The following PINX1 variants were observed in gnomAD, a reference collection of about 807,000 sequenced individuals.
PINX1 encodes the protein PIN2 (TERF1) interacting telomerase inhibitor 1, also known as PIN2/TERF1-interacting telomerase inhibitor 1.
PINX1 carries 34 observed loss-of-function variants against 25.4 expected under a neutral mutation model. The observed-to-expected ratio is 1.34, with a 90% CI of 1.02 to 1.78. The LOEUF is 1.78. Ranked by LOEUF, PINX1 falls within the 40% of genes most tolerant of loss-of-function variation. The pLI is 0.00. For missense variants in PINX1, 592 were observed against 404.9 expected, an observed-to-expected ratio of 1.46 and a Z score of -3.97; for synonymous variants, 197 against 147.7, an observed-to-expected ratio of 1.33 and a Z score of -2.42.
At chr8:10,766,532 A>T (rs1393369941) in intron 6 of PINX1, among the ~76,000 whole-genome samples, 1 of 152,152 alleles carries the variant, frequency 6.6e-6, no homozygotes, top group African/African-American at 2.4e-5. Flanking sequence ...GGCAGAGTGG[A>T]GACTCCGCGT....
chr8:10,819,798 T>G (rs2129085581), intron 6 of PINX1, among the ~76,000 whole-genome samples: 1 of 152,286 alleles, frequency 6.6e-6, no homozygotes, highest in East Asian at 1.9e-4. Context: ...GAAGGTGACA[T>G]GCTTCCTCCC....
In PINX1 at chr8:10,839,565, G is replaced by A. The variant is rs1197075678; in HGVS notation, c.19+173C>T. 14 of 645,744 alleles carry A rather than the reference G, an allele frequency of 2.2e-5. No homozygotes were observed. The African/African-American group carries it at 2.2e-4, about 10-fold the overall frequency. 40.0% of individuals were successfully genotyped at this position (645,744 alleles called of 1,614,324 possible). On this transcript the variant is annotated intron_variant, in intron 1 of 6. Transcript: ENST00000314787. ...ACTAGCAGACCTGCGGCCAACTTTC[G>A]GGGAGCTCTGCGGCGAGCAGGACAA...
chr8:10,832,316 T>A (rs1384428922), intron 3 of PINX1, among the ~76,000 whole-genome samples: 2 of 152,192 alleles, frequency 1.3e-5, no homozygotes, highest in Non-Finnish European at 2.9e-5. Context: ...TATAAGAGAA[T>A]GAAGATCTCC....
intron 6 of PINX1, among the ~76,000 whole-genome samples, chr8:10,783,423 G>A (rs1801654029): frequency 2.0e-5 from 3 of 152,194 alleles, no homozygotes; most frequent in Admixed American, 1.3e-4. Context: ...AAGGACCTGT[G>A]CTTTCAAGAA....
At chr8:10,836,006 A>G (rs1189300729) in intron 1 of PINX1, among the ~76,000 whole-genome samples, 1 of 152,222 alleles carries the variant, frequency 6.6e-6, no homozygotes, top group Non-Finnish European at 1.5e-5. Flanking sequence ...TGGCGAAATG[A>G]GAAATTTGGA....
In PINX1 at chr8:10,814,500, G is replaced by C. The variant is rs374490659; in HGVS notation, c.471+5693C>G. Among the ~76,000 whole-genome samples, 189 of 152,336 alleles carry C rather than the reference G, an allele frequency of 1.2e-3. 3 individuals are homozygous for C. In the South Asian group the frequency reaches 0.033, roughly 27 times the overall value. ...GTGAAAAACTATTCTAGAGTGAAAT[G>C]CAAGGTCTGAAAGCCAGTTTCTGGC... On this transcript the variant is annotated intron_variant, in intron 6 of 6. Transcript: ENST00000314787.
intron 4 of PINX1, among the ~76,000 whole-genome samples, chr8:10,829,304 AAG>A (rs1329880437): frequency 1.4e-5 from 2 of 146,718 alleles, no homozygotes; most frequent in South Asian, 2.2e-4. Context: ...AAAAAAAAAA[AAG>A]AGAGAGAGAA....
intron 6 of PINX1, among the ~76,000 whole-genome samples, chr8:10,797,205 C>T (rs1378151743): frequency 6.6e-6 from 1 of 152,196 alleles, no homozygotes; most frequent in Non-Finnish European, 1.5e-5. Context: ...GTTACTTTAA[C>T]CTTTGTCAGC....
Position 10,815,091 on chromosome 8 carries a change from C to T in PINX1, c.471+5102G>A, listed in dbSNP as rs375581091. Among the ~76,000 whole-genome samples the T allele has an allele frequency of 2.3e-4, 35 of 152,250 alleles. No homozygotes were observed. The East Asian group carries it at 5.4e-3, about 24-fold the overall frequency. On this transcript the variant is annotated intron_variant, in intron 6 of 6. Transcript: ENST00000314787. The stretch of plus-strand genomic sequence containing the variant: ...GAGTAGCTGAGACTACAGGTGGATG[C>T]CACTGAGCCTGGCTAATTTTTTAAA...
intron 5 of PINX1, among the ~76,000 whole-genome samples, chr8:10,822,897 T>G (rs1302960200): frequency 6.6e-6 from 1 of 152,240 alleles, no homozygotes; most frequent in African/African-American, 2.4e-5. Flanking sequence ...TTCAATAGTT[T>G]AGAAAATTCA....
At chr8:10,778,033 G>A (rs1046420714) in intron 6 of PINX1, among the ~76,000 whole-genome samples, 8 of 152,154 alleles carry the variant, frequency 5.3e-5, no homozygotes, top group South Asian at 4.1e-4. Flanking sequence ...AAATACAGAC[G>A]AATGGCATCG....
chr8:10,771,960 C>T (rs1047156137), intron 6 of PINX1, among the ~76,000 whole-genome samples: 5 of 152,216 alleles, frequency 3.3e-5, no homozygotes, highest in South Asian at 2.1e-4. Flanking sequence ...GTGATCCATC[C>T]ATTTCTCCTT....
intron 6 of PINX1, among the ~76,000 whole-genome samples, chr8:10,792,208 T>C (rs931895472): frequency 2.0e-5 from 3 of 152,106 alleles, no homozygotes; most frequent in Non-Finnish European, 4.4e-5. Flanking sequence ...CCGCGCTGGA[T>C]GGGCCTGCAG....
intron 6 of PINX1, among the ~76,000 whole-genome samples, chr8:10,806,993 G>C (rs920292502): frequency 2.0e-5 from 3 of 152,186 alleles, no homozygotes; most frequent in African/African-American, 7.2e-5. Flanking sequence ...CTTCCAAATG[G>C]CTCTTCATTA....
At chr8:10,830,852 T>C (rs1194548805) in intron 4 of PINX1, among the ~76,000 whole-genome samples, 1 of 152,198 alleles carries the variant, frequency 6.6e-6, no homozygotes, top group African/African-American at 2.4e-5. Context: ...GGAACTCTTA[T>C]GCACTGTTGA....
intron 4 of PINX1, among the ~76,000 whole-genome samples, chr8:10,828,658 G>A (rs1338574089): frequency 6.6e-6 from 1 of 152,208 alleles, no homozygotes; most frequent in Admixed American, 6.5e-5. Flanking sequence ...AGAAGGATGC[G>A]TGAGCACCGC....
intron 4 of PINX1, among the ~76,000 whole-genome samples, chr8:10,831,123 T>G (rs191882304): frequency 6.6e-6 from 1 of 152,206 alleles, no homozygotes; most frequent in Non-Finnish European, 1.5e-5. Context: ...TACGAAAGAA[T>G]GAGAGTTTTT....
chr8:10,812,414 A>G (rs1315650545), intron 6 of PINX1, among the ~76,000 whole-genome samples: 3 of 152,174 alleles, frequency 2.0e-5, no homozygotes, highest in African/African-American at 7.2e-5. Context: ...CAGAGCTGGA[A>G]GGGCTTGAAT....
intron 6 of PINX1, among the ~76,000 whole-genome samples, chr8:10,813,731 T>C (rs1009471459): frequency 4.6e-5 from 7 of 152,078 alleles, no homozygotes; most frequent in African/African-American, 1.7e-4. Context: ...GGAGAATTAT[T>C]TTGCCAGGAG....
Sources: gnomAD v4.1 joint callset for allele counts (sites outside exome capture counted in the v4.1 genomes callset) on GRCh38, gnomAD v4.1.1 for gene constraint, MANE v1.5 for transcripts, NCBI Gene and HGNC (gene_info 2026-07-23, HGNC 2026-07-21) for gene names.